Variants in TBP observed in about 807,000 individuals in gnomAD.
TBP encodes TATA-box binding protein, also known as TATA-box-binding protein.
In TBP, 12 loss-of-function variants were observed where a neutral mutation model predicts 46.2. The observed-to-expected ratio is 0.26, with a 90% CI of 0.17 to 0.42. The LOEUF (loss-of-function observed/expected upper bound fraction) is 0.42. Ranked by LOEUF, TBP falls within the 10% of genes least tolerant of loss-of-function variation. The pLI is 1.00. For synonymous variants in TBP, 157 were observed against 148.3 expected, an observed-to-expected ratio of 1.06 and a Z score of -0.42; for missense variants, 229 against 403.1, an observed-to-expected ratio of 0.57 and a Z score of 3.70.
chr6:170,567,076 T>G (rs1297109430), intron 5 of TBP, 67 bp downstream of exon 5: 1 of 1,255,896 alleles, frequency 8.0e-7, no homozygotes, highest in Non-Finnish European at 1.1e-6. Context: ...CTCATTGTTT[T>G]TAGGTTATTA....
chr6:170,571,921 C>A (rs1779372546), intron 7 of TBP, among the ~76,000 whole-genome samples: 1 of 151,510 alleles, frequency 6.6e-6, no homozygotes, highest in South Asian at 2.1e-4. Flanking sequence ...GGTTCAGGAC[C>A]AAGGAGAGAA....
At chr6:170,570,119 CT>C (rs147837305) in intron 6 of TBP, among the ~76,000 whole-genome samples, 3,204 of 152,250 alleles carry the variant, frequency 0.021, 121 homozygotes, top group African/African-American at 0.073. Context: ...TGGATCTTCT[CT>C]TTTAGTCAAC....
chr6:170,561,632 G>T (rs931761396), intron 2 of TBP, among the ~76,000 whole-genome samples, 159 bp from the exon 3 acceptor site: 1 of 152,154 alleles, frequency 6.6e-6, no homozygotes, highest in African/African-American at 2.4e-5. Flanking sequence ...AAAGCAATGT[G>T]TATAAGAATA....
intron 5 of TBP, among the ~76,000 whole-genome samples, chr6:170,567,815 C>A (rs778023506): frequency 2.1e-4 from 32 of 152,180 alleles, no homozygotes; most frequent in Admixed American, 5.9e-4. Context: ...CTGAAGTGAT[C>A]CTGTCTGAAG....
chr6:170,568,772 CTTTTA>C (rs895615448), intron 5 of TBP, among the ~76,000 whole-genome samples: 5 of 97,720 alleles, frequency 5.1e-5, no homozygotes, highest in African/African-American at 1.2e-4. Context: ...GCCTTTTTCT[CTTTTA>C]TTTTTTCTTT....
chr6:170,562,177 C>T lies in TBP; in HGVS notation c.441C>T (p.Thr147=), dbSNP rs200670704. The T allele has an allele frequency of 7.4e-6, 12 of 1,614,168 alleles. No individual in the cohort carries two copies. In the East Asian group the frequency reaches 2.5e-4, roughly 33 times the overall value. The change falls in exon 3 of 8, where the codon ACC becomes ACT. Residue 147 remains threonine (T), a synonymous_variant. Transcript: ENST00000392092. ...PLYPSPMTPM[T]PITPATPASE... ...ATCCCTCCCCCATGACTCCCATGACCCCCATCACTCCTGCCACGCCAGCTT... is the reference window on the plus strand; with the variant it reads ...ATCCCTCCCCCATGACTCCCATGACTCCCATCACTCCTGCCACGCCAGCTT...
chr6:170,567,737 G>T (rs1562361857), intron 5 of TBP, among the ~76,000 whole-genome samples: 1 of 152,160 alleles, frequency 6.6e-6, no homozygotes, highest in Admixed American at 6.5e-5. Context: ...TTCATTAATA[G>T]TGTTTGAGTT....
chr6:170,558,563 G>GT (rs1433035941), intron 2 of TBP, among the ~76,000 whole-genome samples: 2 of 151,984 alleles, frequency 1.3e-5, no homozygotes, highest in Admixed American at 6.5e-5. Flanking sequence ...CAGCAAGTCT[G>GT]TTGGCATTAT....
Position 170,561,952 on chromosome 6 carries a change from A to AGCAGCAG in TBP, c.216_217insGCAGCAG (p.Gln73AlafsTer107), listed in dbSNP as rs1562359486. 7.6e-5 allele frequency: 16 copies of AGCAGCAG among 210,710 alleles called. No homozygotes were observed. The highest frequency in any genetic ancestry group is 1.1e-3 in the East Asian group (1 of 892). 13.1% of individuals were successfully genotyped at this position (210,710 alleles called of 1,614,324 possible). A position where few individuals can be genotyped will look rare whatever the true frequency, so the allele number is the denominator to read the frequency against. ...AGCAGCAGCAGCAGCAGCAGCAGCA[A>AGCAGCAG]CAGCAACAGCAGCAGCAGCAGCAGC... is the stretch of plus-strand genomic sequence containing the variant. On this transcript the variant is annotated frameshift_variant, in exon 3 of 8. Coordinates refer to ENST00000392092, the MANE Select transcript of TBP (RefSeq NM_003194.5). LOFTEE classifies it high-confidence loss of function.
At chr6:170,571,868 A>T (rs959359266) in intron 7 of TBP, among the ~76,000 whole-genome samples, 12 of 151,914 alleles carry the variant, frequency 7.9e-5, no homozygotes, top group South Asian at 2.1e-4. Context: ...TCAGAGAAGA[A>T]GATTCAGTTG....
At chr6:170,571,648 C>T (rs1263417595) in intron 7 of TBP, 144 bp downstream of exon 7, 16 of 653,224 alleles carry the variant, frequency 2.4e-5, no homozygotes, top group African/African-American at 7.3e-5. Flanking sequence ...TGATGAGAAA[C>T]GTGCCCACTA....
rs1562359622 is a variant in TBP at position 170,561,970 on chromosome 6, G to GCAGCAGCAGCAGCAACAGCAA, written c.248_249insACAGCAACAGCAGCAGCAGCA (p.Gln89_Gln95dup). On this transcript the variant is annotated inframe_insertion, in exon 3 of 8. Transcript: ENST00000392092. ...AGCAGCAACAGCAACAGCAGCAGCA[G>GCAGCAGCAGCAGCAACAGCAA]CAGCAGCAGCAGCAGCAGCAGCAGC... The GCAGCAGCAGCAGCAACAGCAA allele has an allele frequency of 9.3e-7, 1 of 1,075,676 alleles. No individual in the cohort carries two copies. Among genetic ancestry groups the GCAGCAGCAGCAGCAACAGCAA allele is most frequent in the African/African-American group, 2.6e-5 (1 of 37,912 alleles). 66.6% of individuals were successfully genotyped at this position (1,075,676 alleles called of 1,614,324 possible).
In TBP at chr6:170,561,942, AGCAGCAGCAACAGCAACAGCAGCAGCAG is replaced by A; in HGVS notation, c.207_234del (p.Gln69HisfsTer66). 27 of 1,588,878 alleles carry A rather than the reference AGCAGCAGCAACAGCAACAGCAGCAGCAG, an allele frequency of 1.7e-5. No individual in the cohort carries two copies. The highest frequency in any genetic ancestry group is 2.3e-5 in the Non-Finnish European group (27 of 1,169,686). On this transcript the variant is annotated frameshift_variant, in exon 3 of 8. Transcript: ENST00000392092. LOFTEE classifies it high-confidence loss of function. ...CAACAACAACAGCAGCAGCAGCAGC[AGCAGCAGCAACAGCAACAGCAGCAGCAG>A]CAGCAGCAGCAGCAGCAGCAGCAGC...
chr6:170,561,712 A>C (rs1583127239), intron 2 of TBP, 79 bp from the exon 3 acceptor site: 1 of 1,555,090 alleles, frequency 6.4e-7, no homozygotes, highest in South Asian at 1.2e-5. Context: ...TGCACACCTG[A>C]CCTGCTGTTC....
rs140089853 is a variant in TBP at position 170,562,142 on chromosome 6, A to G, written c.406A>G (p.Thr136Ala). ...CACAACTGCACCCTTGCCGGGCACC[A>G]CTCCACTGTATCCCTCCCCCATGAC... ...TLTTAPLPGT[T>A]PLYPSPMTPM... The change falls in exon 3 of 8, where the codon ACT becomes GCT. Residue 136 changes from threonine to alanine, a missense_variant. This residue lies in a region of TBP where 69 missense variants were observed against 66.2 expected (regional missense o/e 1.04). Coordinates refer to ENST00000392092, the MANE Select transcript of TBP (RefSeq NM_003194.5). 9 of 1,613,318 alleles carry G rather than the reference A, an allele frequency of 5.6e-6. No homozygotes were observed. The African/African-American group carries it at 1.2e-4, about 22-fold the overall frequency.
chr6:170,566,903 C>T lies in TBP; in HGVS notation c.586-15C>T, dbSNP rs768105201. The T allele has an allele frequency of 7.4e-6, 12 of 1,611,088 alleles. 1 individual carries two copies. The highest frequency in any genetic ancestry group is 1.1e-5 in the South Asian group (1 of 90,788). ...TTGGCATGACCTCACTAATGATTCT[C>T]TCTGACCATTGTAGCGGTTTGCTGC... On this transcript the variant is annotated splice_polypyrimidine_tract_variant and intron_variant, in intron 4 of 7. Coordinates refer to ENST00000392092, the MANE Select transcript of TBP (RefSeq NM_003194.5).
chr6:170,560,569 T>C (rs1159460209), intron 2 of TBP, among the ~76,000 whole-genome samples: 1 of 152,194 alleles, frequency 6.6e-6, no homozygotes, highest in Non-Finnish European at 1.5e-5. Flanking sequence ...AGATTCACCA[T>C]TCTAGATGCC....
At chr6:170,562,313 C>G in intron 3 of TBP, 80 bp downstream of exon 3, 1 of 1,434,970 alleles carries the variant, frequency 7.0e-7, no homozygotes, top group Non-Finnish European at 9.5e-7. Context: ...CAGATGGATC[C>G]TTTTATTAAG....
chr6:170,557,411 ATTTCAAGC>A (rs1042585170), intron 2 of TBP, among the ~76,000 whole-genome samples: 3 of 152,078 alleles, frequency 2.0e-5, no homozygotes, highest in Non-Finnish European at 4.4e-5. Context: ...CCCCTTTTAC[ATTTCAAGC>A]TCTCAACCAC....
Sources: gnomAD v4.1 joint callset for allele counts (sites outside exome capture counted in the v4.1 genomes callset) on GRCh38, gnomAD v4.1.1 for gene constraint, gnomAD v4.1.1 regional missense constraint, MANE v1.5 for transcripts, NCBI Gene and HGNC (gene_info 2026-07-23, HGNC 2026-07-21) for gene names.